Variants in COPS9 observed in about 807,000 individuals in gnomAD.
COPS9 encodes COP9 signalosome complex subunit 9.
Under a neutral mutation model 7.2 loss-of-function variants are expected in COPS9, and 8 were observed. The ratio of observed to expected loss-of-function variants is 1.11; its 90% CI spans 0.65 to 2.00. COPS9 has a LOEUF of 2.00. Ranked by LOEUF, COPS9 falls within the 30% of genes most tolerant of loss-of-function variation. The pLI, the probability that COPS9 is intolerant of heterozygous loss-of-function variation, is 0.00. For synonymous variants in COPS9, 39 were observed against 28.7 expected, an observed-to-expected ratio of 1.36 and a Z score of -1.14; for missense variants, 74 against 77.7, an observed-to-expected ratio of 0.95 and a Z score of 0.18.
chr2:240,126,975 C>A (rs763971599), downstream of COPS9: 2 of 1,599,162 alleles, frequency 1.3e-6, no homozygotes, highest in Admixed American at 1.7e-5. Context: ...GACACTAGAA[C>A]GAGGTCTGGT....
intron 1 of COPS9, 79 bp downstream of exon 1, chr2:240,136,142 AC>A (rs775998825): frequency 5.4e-6 from 4 of 737,320 alleles, no homozygotes; most frequent in Non-Finnish European, 7.3e-6. Flanking sequence ...CCTCCCCGGG[AC>A]CCGCGCACCA....
At chr2:240,134,807 G>T (rs989644234) in intron 1 of COPS9, among the ~76,000 whole-genome samples, 1 of 152,068 alleles carries the variant, frequency 6.6e-6, no homozygotes, top group Non-Finnish European at 1.5e-5. Context: ...TAAGCCACGC[G>T]CATTCTACCA....
At chr2:240,130,103 A>G, downstream of COPS9, 2 of 1,206,718 alleles carry the variant, frequency 1.7e-6, no homozygotes, top group South Asian at 1.3e-5. Context: ...TGAGAAAAAG[A>G]GGCAGAGCTG....
intron 1 of COPS9, among the ~76,000 whole-genome samples, chr2:240,135,419 T>C (rs2071966262): frequency 6.6e-6 from 1 of 152,160 alleles, no homozygotes; most frequent in Admixed American, 6.5e-5. Context: ...TGCCATGCTA[T>C]TACCTCCACA....
At chr2:240,127,076 CAG>C, downstream of COPS9, 1 of 1,136,046 alleles carries the variant, frequency 8.8e-7, no homozygotes, top group South Asian at 1.6e-5. Context: ...GAACTTAGGA[CAG>C]AGAGGGGAAG....
Position 240,133,926 on chromosome 2 carries a change from T to C in COPS9, c.136+7A>G, listed in dbSNP as rs1186204022. The stretch of plus-strand genomic sequence containing the variant: ...TAAATCTGGCATCCCATTCCAAGCA[T>C]CCTTACCGTTAAAAAAGTCTGCATG... On this transcript the variant is annotated splice_region_variant and intron_variant, in intron 2 of 2. Coordinates refer to ENST00000607357, the MANE Select transcript of COPS9 (RefSeq NM_001163424.2). 1 of 1,613,832 alleles carries C rather than the reference T, an allele frequency of 6.2e-7. No individual in the cohort carries two copies. Among genetic ancestry groups the C allele is most frequent in the East Asian group, 2.2e-5 (1 of 44,862 alleles).
At chr2:240,126,604 C>A, downstream of COPS9, 3 of 1,614,202 alleles carry the variant, frequency 1.9e-6, no homozygotes, top group South Asian at 3.3e-5. Flanking sequence ...TTCTTCCCTT[C>A]TTCTCCACCA....
downstream of COPS9, chr2:240,129,918 G>A (rs374650714): frequency 7.1e-5 from 114 of 1,613,654 alleles, no homozygotes; most frequent in Non-Finnish European, 8.9e-5. Flanking sequence ...TACCTCTTCC[G>A]ACACCACAGG....
At chr2:240,131,128 G>T (rs752824250) in intron 2 of COPS9, 40 bp from the exon 3 acceptor site, 1 of 1,601,738 alleles carries the variant, frequency 6.2e-7, no homozygotes. Flanking sequence ...CACCTACAAG[G>T]GTAAGGGCTG....
At chr2:240,135,262 T>C (rs2071964383) in intron 1 of COPS9, among the ~76,000 whole-genome samples, 1 of 152,108 alleles carries the variant, frequency 6.6e-6, no homozygotes, top group South Asian at 2.1e-4. Flanking sequence ...CCCCACTACC[T>C]GGCAAACACC....
downstream of COPS9, among the ~76,000 whole-genome samples, chr2:240,127,148 C>T (rs13392811): frequency 3.3e-5 from 5 of 152,266 alleles, no homozygotes; most frequent in African/African-American, 4.8e-5. Context: ...TAATTAACGG[C>T]GAATACCCAG....
chr2:240,129,530 C>A (rs540527907), downstream of COPS9, among the ~76,000 whole-genome samples: 1 of 152,248 alleles, frequency 6.6e-6, no homozygotes, highest in South Asian at 2.1e-4. Context: ...TTGCCACGGG[C>A]CAGTCTGAGT....
chr2:240,131,457 G>A (rs1010487325), intron 2 of COPS9, among the ~76,000 whole-genome samples: 3 of 152,238 alleles, frequency 2.0e-5, no homozygotes, highest in East Asian at 1.9e-4. Flanking sequence ...CCTCGCTGCC[G>A]GGGCCGGGGA....
chr2:240,135,898 A>C, intron 1 of COPS9: 1 of 381,296 alleles, frequency 2.6e-6, no homozygotes. Context: ...TGCTGCAGCC[A>C]TCGAAGAGCA....
chr2:240,133,706 A>C (rs1160080052), intron 2 of COPS9, among the ~76,000 whole-genome samples: 1 of 152,226 alleles, frequency 6.6e-6, no homozygotes, highest in Non-Finnish European at 1.5e-5. Context: ...ACTGGGCTGC[A>C]AGCTGGGAAC....
At chr2:240,134,749 T>C (rs4528788) in intron 1 of COPS9, among the ~76,000 whole-genome samples, 101,684 of 151,940 alleles carry the variant, frequency 0.67, 35,920 homozygotes, top group African/African-American at 0.91. Context: ...GGACACTCAG[T>C]CTCCTCCCCT....
downstream of COPS9, chr2:240,127,064 A>G (rs551466937): frequency 9.8e-5 from 122 of 1,246,060 alleles, no homozygotes; most frequent in Non-Finnish European, 1.2e-4. Flanking sequence ...TACAAGGTAC[A>G]GGAACTTAGG....
chr2:240,128,141 G>A (rs944209134), downstream of COPS9, among the ~76,000 whole-genome samples: 5 of 152,228 alleles, frequency 3.3e-5, no homozygotes, highest in African/African-American at 4.8e-5. Context: ...GAAGGTGGGC[G>A]AATCACAGAC....
intron 2 of COPS9, 46 bp from the exon 3 acceptor site, chr2:240,131,134 G>C: frequency 6.3e-7 from 1 of 1,595,152 alleles, no homozygotes; most frequent in Non-Finnish European, 8.6e-7. Flanking sequence ...CAAGGGTAAG[G>C]GCTGAAGAAA....
Sources: gnomAD v4.1 joint callset for allele counts (sites outside exome capture counted in the v4.1 genomes callset) on GRCh38, gnomAD v4.1.1 for gene constraint, MANE v1.5 for transcripts, NCBI Gene and HGNC (gene_info 2026-07-23, HGNC 2026-07-21) for gene names.